Variants in SGCZ observed in about 807,000 individuals in gnomAD.
SGCZ encodes the protein sarcoglycan zeta, also known as zeta-sarcoglycan.
In SGCZ, 40 loss-of-function variants were observed where a neutral mutation model predicts 41.3. The observed-to-expected ratio is 0.97, with a 90% CI of 0.75 to 1.26. The LOEUF is 1.26. Among genes scored for constraint, SGCZ ranks in the 50% most tolerant of loss-of-function variants. The pLI, the probability that SGCZ is intolerant of heterozygous loss-of-function variation, is 0.00. For missense variants in SGCZ, 552 were observed against 369.8 expected, an observed-to-expected ratio of 1.49 and a Z score of -4.04; for synonymous variants, 206 against 137.5, an observed-to-expected ratio of 1.50 and a Z score of -3.49.
intron 3 of SGCZ, among the ~76,000 whole-genome samples, chr8:14,243,665 T>C (rs1333045025): frequency 6.6e-6 from 1 of 152,180 alleles, no homozygotes; most frequent in East Asian, 1.9e-4. Context: ...ATACCACTTA[T>C]ATTTATTTTC....
chr8:14,188,820 C>CT (rs1398342532), intron 4 of SGCZ, among the ~76,000 whole-genome samples: 2 of 133,784 alleles, frequency 1.5e-5, no homozygotes, highest in Admixed American at 7.3e-5. Flanking sequence ...TTGTTTGTTT[C>CT]TTTGTTTTTT....
At position 15,101,788 on chromosome 8, in the gene SGCZ, G is replaced by A. The variant is rs925758668; in HGVS notation, c.39+135797C>T. On this transcript the variant is annotated intron_variant, in intron 1 of 7. Coordinates refer to ENST00000382080, the MANE Select transcript of SGCZ (RefSeq NM_139167.4). Reference sequence around the variant, plus strand: ...CTACTAAAAATATAAAAATTAGCTGGGCATGGTCGTGCACACCTGCAGTCC... The same window carrying A: ...CTACTAAAAATATAAAAATTAGCTGAGCATGGTCGTGCACACCTGCAGTCC... Among the ~76,000 whole-genome samples, 6 of 152,148 alleles carry A rather than the reference G, an allele frequency of 3.9e-5. No homozygotes were observed. In the East Asian group the frequency reaches 5.8e-4, roughly 15 times the overall value.
At chr8:15,041,981 C>G (rs1033382676) in intron 1 of SGCZ, among the ~76,000 whole-genome samples, 1 of 152,020 alleles carries the variant, frequency 6.6e-6, no homozygotes, top group Admixed American at 6.6e-5. Context: ...ATAAAAAAGG[C>G]TAAAGGAAGA....
intron 2 of SGCZ, among the ~76,000 whole-genome samples, chr8:14,349,628 C>G (rs1055569795): frequency 2.0e-5 from 3 of 152,122 alleles, no homozygotes; most frequent in African/African-American, 7.2e-5. Flanking sequence ...AGGAAAACCC[C>G]TGCTCTTCTG....
intron 1 of SGCZ, among the ~76,000 whole-genome samples, chr8:15,160,343 T>C (rs925360498): frequency 1.3e-5 from 2 of 152,220 alleles, no homozygotes; most frequent in Non-Finnish European, 2.9e-5. Flanking sequence ...ATTTGAATAA[T>C]ATTCCATTTT....
At chr8:14,364,442 A>C (rs1403504089) in intron 2 of SGCZ, among the ~76,000 whole-genome samples, 1 of 152,150 alleles carries the variant, frequency 6.6e-6, no homozygotes, top group Non-Finnish European at 1.5e-5. Flanking sequence ...CCTGATCTGC[A>C]AGACAGCACT....
chr8:15,063,049 C>T (rs988773530), intron 1 of SGCZ, among the ~76,000 whole-genome samples: 1 of 152,122 alleles, frequency 6.6e-6, no homozygotes. Context: ...CCATATTTCA[C>T]ATACATCTTT....
chr8:14,506,023 A>G, intron 2 of SGCZ, among the ~76,000 whole-genome samples: 1 of 150,830 alleles, frequency 6.6e-6, no homozygotes, highest in Non-Finnish European at 1.5e-5. Flanking sequence ...TTTTTTTTTC[A>G]TTCAATGAAA....
intron 1 of SGCZ, among the ~76,000 whole-genome samples, chr8:15,162,702 T>G (rs1297510898): frequency 6.6e-6 from 1 of 152,256 alleles, no homozygotes; most frequent in Non-Finnish European, 1.5e-5. Context: ...TATCATCATC[T>G]TCTGAACCTA....
chr8:14,871,889 T>C (rs1804166576), intron 1 of SGCZ, among the ~76,000 whole-genome samples: 1 of 149,864 alleles, frequency 6.7e-6, no homozygotes, highest in Admixed American at 6.7e-5. Flanking sequence ...TATATGTATG[T>C]ATATATGTAT....
chr8:14,782,471 C>T (rs578145758), intron 1 of SGCZ, among the ~76,000 whole-genome samples: 2 of 152,134 alleles, frequency 1.3e-5, no homozygotes, highest in South Asian at 2.1e-4. Context: ...ATGTTTCTTT[C>T]CTCTGCAGTT....
At chr8:15,198,213 T>G (rs549812852) in intron 1 of SGCZ, among the ~76,000 whole-genome samples, 2 of 151,790 alleles carry the variant, frequency 1.3e-5, no homozygotes, top group African/African-American at 4.8e-5. Flanking sequence ...TAAGCAAGTG[T>G]AGCTAAAAAT....
chr8:14,943,251 G>A (rs1800335238), intron 1 of SGCZ, among the ~76,000 whole-genome samples: 2 of 152,116 alleles, frequency 1.3e-5, no homozygotes, highest in African/African-American at 4.8e-5. Context: ...TTCTGAAAAT[G>A]CGGCTATATA....
intron 3 of SGCZ, among the ~76,000 whole-genome samples, chr8:14,254,748 C>CT (rs71209035): frequency 3.7e-4 from 56 of 151,240 alleles, no homozygotes; most frequent in African/African-American, 1.1e-3. Context: ...ATCGTGTCGT[C>CT]TTTTTTTTTC....
At chr8:14,633,378 T>C (rs1257398903) in intron 1 of SGCZ, among the ~76,000 whole-genome samples, 2 of 151,958 alleles carry the variant, frequency 1.3e-5, no homozygotes, top group East Asian at 1.9e-4. Flanking sequence ...GTTTCCTTTC[T>C]CTAAAATAGA....
chr8:14,837,269 G>C (rs1802730026), intron 1 of SGCZ, among the ~76,000 whole-genome samples: 3 of 152,174 alleles, frequency 2.0e-5, no homozygotes, highest in Admixed American at 2.0e-4. Flanking sequence ...GGTGACATTT[G>C]CACAAAGATC....
At chr8:14,245,292 A>G (rs1261296003) in intron 3 of SGCZ, among the ~76,000 whole-genome samples, 3 of 152,172 alleles carry the variant, frequency 2.0e-5, no homozygotes, top group Non-Finnish European at 4.4e-5. Flanking sequence ...ATAACGCCGC[A>G]TATCTACAAC....
chr8:14,611,106 G>C (rs767374321), intron 1 of SGCZ, among the ~76,000 whole-genome samples: 3 of 152,066 alleles, frequency 2.0e-5, no homozygotes, highest in Non-Finnish European at 2.9e-5. Context: ...TCATGAATTA[G>C]AATTATCTAA....
chr8:15,116,643 A>G (rs1014061954), intron 1 of SGCZ, among the ~76,000 whole-genome samples: 4 of 152,224 alleles, frequency 2.6e-5, no homozygotes, highest in African/African-American at 7.2e-5. Context: ...TGAAATATGT[A>G]TAATAAAGCA....
Sources: allele counts gnomAD v4.1 joint callset (sites outside exome capture counted in the v4.1 genomes callset), GRCh38; gene constraint gnomAD v4.1.1; transcripts MANE v1.5; gene names NCBI Gene and HGNC (gene_info 2026-07-23, HGNC 2026-07-21).